Variants in OPCML observed in about 807,000 individuals in gnomAD.
The protein encoded by OPCML is opioid binding protein/cell adhesion molecule like, also known as opioid-binding protein/cell adhesion molecule.
Under a neutral mutation model 37.8 loss-of-function variants are expected in OPCML, and 13 were observed. The observed-to-expected ratio is 0.34, with a 90% confidence interval of 0.22 to 0.55. The LOEUF (loss-of-function observed/expected upper bound fraction) is 0.55, where lower values mean the gene tolerates loss of function less well. OPCML is among the 20% of genes least tolerant of loss of function. The probability of loss-of-function intolerance (pLI) is 0.91; values close to 1 mark genes in which losing one functional copy is unlikely to be tolerated. For synonymous variants in OPCML, 176 were observed against 168.8 expected (o/e 1.04, Z -0.33); for missense variants, 341 against 435.6 (o/e 0.78, Z 1.93).
intron 1 of OPCML, among the ~76,000 whole-genome samples, chr11:133,388,785 C>A (rs578051542): frequency 2.0e-5 from 3 of 152,172 alleles, no homozygotes; most frequent in Non-Finnish European, 2.9e-5. Context: ...AGCTTTTAAC[C>A]CAGGTTATGA....
At chr11:133,281,357 T>C (rs1308880060) in intron 1 of OPCML, among the ~76,000 whole-genome samples, 1 of 152,112 alleles carries the variant, frequency 6.6e-6, no homozygotes, top group Non-Finnish European at 1.5e-5. Context: ...ATGTGAGATC[T>C]GGTTGTTTAA....
intron 4 of OPCML, among the ~76,000 whole-genome samples, chr11:132,463,364 T>C (rs542317529): frequency 6.6e-6 from 1 of 152,202 alleles, no homozygotes; most frequent in African/African-American, 2.4e-5. Context: ...AAACCTAGAG[T>C]GGGCGCCTGG....
intron 1 of OPCML, among the ~76,000 whole-genome samples, chr11:133,430,217 GTT>G (rs1363529600): frequency 1.3e-5 from 2 of 152,152 alleles, no homozygotes; most frequent in Non-Finnish European, 2.9e-5. Flanking sequence ...GATAAGAGGT[GTT>G]TTGGTGGAGA....
chr11:132,471,962 G>C (rs2093519865), intron 4 of OPCML, among the ~76,000 whole-genome samples: 1 of 152,114 alleles, frequency 6.6e-6, no homozygotes, highest in African/African-American at 2.4e-5. Flanking sequence ...CACAGACACG[G>C]TGGAGGAGTA....
chr11:132,904,097 A>C (rs1383775306), intron 2 of OPCML, among the ~76,000 whole-genome samples: 1 of 152,190 alleles, frequency 6.6e-6, no homozygotes, highest in Non-Finnish European at 1.5e-5. Context: ...GATTGGTCCT[A>C]AAGTGTGGGG....
intron 2 of OPCML, among the ~76,000 whole-genome samples, chr11:132,760,379 T>A (rs976966391): frequency 4.6e-5 from 7 of 152,146 alleles, no homozygotes; most frequent in Non-Finnish European, 1.0e-4. Context: ...CATTGATCTG[T>A]CTAATATTGA....
At chr11:133,015,371 T>TGAAGGAAGGAAGGAAGGAAGGAAGGAAG (rs1250019012) in intron 1 of OPCML, among the ~76,000 whole-genome samples, 2 of 57,590 alleles carry the variant, frequency 3.5e-5, no homozygotes, top group Non-Finnish European at 6.3e-5. Context: ...AAGGGAGGAA[T>TGAAGGAAGGAAGGAAGGAAGGAAGGAAG]GAAGGAAGGA....
intron 1 of OPCML, among the ~76,000 whole-genome samples, chr11:133,194,817 A>G (rs1446064976): frequency 6.6e-6 from 1 of 152,160 alleles, no homozygotes; most frequent in African/African-American, 2.4e-5. Flanking sequence ...CTCCAGGGAC[A>G]CATACGTAAT....
chr11:132,793,725 A>G (rs4262735), intron 2 of OPCML, among the ~76,000 whole-genome samples: 120,573 of 152,096 alleles, frequency 0.79, 48,626 homozygotes, highest in Middle Eastern at 0.85. Flanking sequence ...TGCCACTGTC[A>G]TCTCCTAATA....
chr11:132,819,483 TC>T (rs1939846412), intron 2 of OPCML, among the ~76,000 whole-genome samples: 1 of 152,148 alleles, frequency 6.6e-6, no homozygotes. Context: ...AGACACAATA[TC>T]TGAAATCATT....
intron 1 of OPCML, among the ~76,000 whole-genome samples, chr11:133,037,739 A>T (rs745692084): frequency 8.5e-5 from 13 of 152,210 alleles, no homozygotes; most frequent in Non-Finnish European, 1.3e-4. Context: ...CCTTGCAATT[A>T]GCACTTACCT....
At chr11:132,793,058 G>C (rs981900092) in intron 2 of OPCML, among the ~76,000 whole-genome samples, 2 of 152,118 alleles carry the variant, frequency 1.3e-5, no homozygotes, top group Non-Finnish European at 2.9e-5. Flanking sequence ...GGGGACTATC[G>C]ACTGGGGTCC....
chr11:133,022,690 G>T (rs2136904829), intron 1 of OPCML, among the ~76,000 whole-genome samples: 1 of 152,154 alleles, frequency 6.6e-6, no homozygotes, highest in Middle Eastern at 3.4e-3. Flanking sequence ...TCTGCTTTTT[G>T]GATGGGGTTT....
At chr11:133,430,608 A>G (rs1946096697) in intron 1 of OPCML, among the ~76,000 whole-genome samples, 1 of 152,202 alleles carries the variant, frequency 6.6e-6, no homozygotes, top group Non-Finnish European at 1.5e-5. Context: ...AATAAAAGTC[A>G]TACATATTTG....
At chr11:133,007,486 A>C in intron 1 of OPCML, 4 of 985,490 alleles carry the variant, frequency 4.1e-6, no homozygotes, top group Non-Finnish European at 3.6e-6. Context: ...TAATTTGTTA[A>C]TGAACCTGTC....
chr11:132,615,201 T>C (rs530499430), intron 3 of OPCML, among the ~76,000 whole-genome samples: 2 of 152,312 alleles, frequency 1.3e-5, no homozygotes, highest in African/African-American at 2.4e-5. Context: ...GGACTACTGG[T>C]TATTGCCAAT....
chr11:132,529,014 A>C (rs1449441210), intron 4 of OPCML, 47 bp downstream of exon 4: 2 of 1,213,680 alleles, frequency 1.6e-6, no homozygotes, highest in Admixed American at 3.7e-5. Context: ...AAGAGCCAAG[A>C]CTTTAACATA....
chr11:133,304,250 C>G (rs559428376), intron 1 of OPCML, among the ~76,000 whole-genome samples: 3 of 152,296 alleles, frequency 2.0e-5, no homozygotes, highest in South Asian at 4.1e-4. Context: ...AACGTAGCCC[C>G]TTAATTGTAG....
intron 2 of OPCML, among the ~76,000 whole-genome samples, chr11:132,724,503 G>A (rs1487793296): frequency 6.6e-6 from 1 of 152,094 alleles, no homozygotes; most frequent in Non-Finnish European, 1.5e-5. Context: ...AATTTGAGAA[G>A]AGATTTGGGT....
Sources: allele counts gnomAD v4.1 joint callset (sites outside exome capture counted in the v4.1 genomes callset), GRCh38; gene constraint gnomAD v4.1.1; transcripts MANE v1.5; gene names NCBI Gene and HGNC (gene_info 2026-07-23, HGNC 2026-07-21).